The following EYS variants were observed in gnomAD, a reference collection of about 807,000 sequenced individuals.
The protein encoded by EYS is protein eyes shut homolog.
In EYS, 250 loss-of-function variants were observed where a neutral mutation model predicts 282.1. The observed-to-expected ratio is 0.89, with a 90% CI of 0.80 to 0.98. EYS has a LOEUF of 0.98. EYS is among the 50% of genes least tolerant of loss of function. The pLI is 0.00. For synonymous variants in EYS, 1,355 were observed against 1,282.9 expected, an observed-to-expected ratio of 1.06 and a Z score of -1.20; for missense variants, 4,016 against 3,709.0, an observed-to-expected ratio of 1.08 and a Z score of -2.15.
At position 64,080,632 on chromosome 6, in the gene EYS, C is replaced by A. The variant is rs866939202; in HGVS notation, c.6571+1224G>T. ...TGTTTTAGACATGAAGTCCTTGCCC[C>A]TGCCTATGTCCTGAATGGTATTGCC... On this transcript the variant is annotated intron_variant, in intron 32 of 42. Coordinates refer to ENST00000503581, the MANE Select transcript of EYS (RefSeq NM_001142800.2). Among the ~76,000 whole-genome samples, 53 of 151,766 alleles carry A rather than the reference C, an allele frequency of 3.5e-4. 1 individual carries two copies. Among genetic ancestry groups the A allele is most frequent in the East Asian group, 7.7e-4 (4 of 5,166 alleles).
intron 12 of EYS, among the ~76,000 whole-genome samples, chr6:65,290,621 G>C (rs79930171): frequency 6.6e-6 from 1 of 151,188 alleles, no homozygotes; most frequent in African/African-American, 2.4e-5. Flanking sequence ...AGAGTTTAGA[G>C]TCAGAAATAC....
intron 19 of EYS, among the ~76,000 whole-genome samples, chr6:64,859,476 G>A (rs1766167606): frequency 6.6e-6 from 1 of 151,992 alleles, no homozygotes; most frequent in African/African-American, 2.4e-5. Context: ...GATATGGTTT[G>A]GCTGAGTCTC....
At chr6:65,385,383 C>T (rs969056175) in intron 7 of EYS, among the ~76,000 whole-genome samples, 1 of 151,874 alleles carries the variant, frequency 6.6e-6, no homozygotes, top group Non-Finnish European at 1.5e-5. Flanking sequence ...GAAATAGCAT[C>T]AATAAAATGC....
At chr6:65,440,811 T>C (rs2150391984) in intron 5 of EYS, among the ~76,000 whole-genome samples, 1 of 148,518 alleles carries the variant, frequency 6.7e-6, no homozygotes, top group Non-Finnish European at 1.5e-5. Context: ...TTTAGTAACC[T>C]GACTTAATTC....
intron 14 of EYS, among the ~76,000 whole-genome samples, chr6:64,964,482 T>C (rs9363299): frequency 0.067 from 10,244 of 152,206 alleles, 437 homozygotes; most frequent in East Asian, 0.13. Context: ...CATTTTTCTT[T>C]CCTGTCCACT....
intron 26 of EYS, among the ~76,000 whole-genome samples, chr6:64,508,779 G>C (rs564905557): frequency 6.6e-6 from 1 of 151,916 alleles, no homozygotes; most frequent in Non-Finnish European, 1.5e-5. Flanking sequence ...TCACTTGCCA[G>C]TTGCTACCTA....
chr6:64,014,670 T>G (rs1768802285), intron 33 of EYS, among the ~76,000 whole-genome samples: 1 of 152,134 alleles, frequency 6.6e-6, no homozygotes. Context: ...AAGGCTACAG[T>G]GTGATCCATT....
intron 22 of EYS, among the ~76,000 whole-genome samples, chr6:64,676,310 A>G (rs1329045277): frequency 7.5e-6 from 1 of 133,382 alleles, no homozygotes; most frequent in Admixed American, 7.5e-5. Context: ...TCTATATCCA[A>G]TATATCTATA....
intron 8 of EYS, among the ~76,000 whole-genome samples, chr6:65,354,841 G>GA (rs1026922682): frequency 2.0e-5 from 3 of 150,318 alleles, no homozygotes; most frequent in African/African-American, 2.4e-5. Flanking sequence ...GAAAAAGAAA[G>GA]AAAAAAAAGA....
At chr6:65,138,291 T>G (rs1446938655) in intron 12 of EYS, among the ~76,000 whole-genome samples, 1 of 152,118 alleles carries the variant, frequency 6.6e-6, no homozygotes, top group Non-Finnish European at 1.5e-5. Flanking sequence ...TAATATAGAA[T>G]GTAACTATAA....
At chr6:64,882,895 A>G (rs1228457353) in intron 19 of EYS, among the ~76,000 whole-genome samples, 1 of 151,564 alleles carries the variant, frequency 6.6e-6, no homozygotes. Context: ...TTAAATCAGA[A>G]TTTCACAAAA....
chr6:64,759,886 T>A (rs1773102285), intron 22 of EYS, among the ~76,000 whole-genome samples: 1 of 152,176 alleles, frequency 6.6e-6, no homozygotes, highest in Non-Finnish European at 1.5e-5. Flanking sequence ...ATAACACCTG[T>A]ATGTATTAAT....
chr6:64,947,788 A>G (rs541086026), intron 14 of EYS, among the ~76,000 whole-genome samples: 29 of 151,920 alleles, frequency 1.9e-4, no homozygotes, highest in South Asian at 8.3e-4. Flanking sequence ...AGCTGTGGTG[A>G]ATGGGAGAAA....
intron 19 of EYS, among the ~76,000 whole-genome samples, chr6:64,840,008 G>T (rs1765514034): frequency 6.6e-6 from 1 of 152,016 alleles, no homozygotes; most frequent in Non-Finnish European, 1.5e-5. Flanking sequence ...ATGCATACAT[G>T]TAAGATCATT....
At chr6:64,428,000 T>C (rs1278824881) in intron 28 of EYS, among the ~76,000 whole-genome samples, 1 of 152,128 alleles carries the variant, frequency 6.6e-6, no homozygotes, top group Non-Finnish European at 1.5e-5. Context: ...AGTAAACTAA[T>C]TACACTATGG....
intron 30 of EYS, among the ~76,000 whole-genome samples, chr6:64,300,458 T>C (rs1769194819): frequency 6.6e-6 from 1 of 152,188 alleles, no homozygotes; most frequent in East Asian, 1.9e-4. Flanking sequence ...AAGACCTCTT[T>C]CTGATAATGG....
chr6:64,364,223 T>C (rs1772118028), intron 29 of EYS, among the ~76,000 whole-genome samples: 1 of 151,854 alleles, frequency 6.6e-6, no homozygotes, highest in Non-Finnish European at 1.5e-5. Context: ...CTTATTAGTA[T>C]CTTGGCCATG....
intron 2 of EYS, among the ~76,000 whole-genome samples, chr6:65,635,913 CT>C (rs763806865): frequency 1.5e-4 from 23 of 152,278 alleles, no homozygotes; most frequent in Non-Finnish European, 2.9e-4. Context: ...TACCCATTAC[CT>C]GGCCACCCCA....
intron 8 of EYS, among the ~76,000 whole-genome samples, chr6:65,372,879 C>G (rs1408106958): frequency 2.6e-5 from 4 of 151,808 alleles, no homozygotes; most frequent in African/African-American, 4.8e-5. Context: ...CTCATATTTT[C>G]CAGCCTATTT....
Sources: gnomAD v4.1 joint callset for allele counts (sites outside exome capture counted in the v4.1 genomes callset) on GRCh38, gnomAD v4.1.1 for gene constraint, MANE v1.5 for transcripts, NCBI Gene and HGNC (gene_info 2026-07-23, HGNC 2026-07-21) for gene names.